The following ZBBX variants were observed in gnomAD, a reference collection of about 807,000 sequenced individuals.
The protein encoded by ZBBX is zinc finger B-box domain containing.
A neutral mutation model predicts 108.5 loss-of-function variants in ZBBX; 101 were observed. That is an observed-to-expected ratio of 0.93 (90% CI 0.79 to 1.10). ZBBX has a LOEUF of 1.10. Among genes scored for constraint, ZBBX ranks in the 50% least tolerant of loss-of-function variants. The pLI, the probability that ZBBX is intolerant of heterozygous loss-of-function variation, is 0.00. For synonymous variants in ZBBX, 356 were observed against 323.4 expected, an observed-to-expected ratio of 1.10 and a Z score of -1.08; for missense variants, 1,009 against 941.4, an observed-to-expected ratio of 1.07 and a Z score of -0.94.
At chr3:167,313,331 A>T (rs1246684023) in intron 16 of ZBBX, among the ~76,000 whole-genome samples, 1 of 152,166 alleles carries the variant, frequency 6.6e-6, no homozygotes, top group Non-Finnish European at 1.5e-5. Flanking sequence ...GCTGGAGTGC[A>T]ACGGTGTGAT....
At chr3:167,295,964 C>A (rs1306751481) in intron 18 of ZBBX, among the ~76,000 whole-genome samples, 1 of 151,116 alleles carries the variant, frequency 6.6e-6, no homozygotes, top group Non-Finnish European at 1.5e-5. Context: ...AAGAAAACAT[C>A]AGAACAATAT....
chr3:167,179,236 C>A, the ZBBX span, among the ~76,000 whole-genome samples: 1 of 152,212 alleles, frequency 6.6e-6, no homozygotes, highest in Non-Finnish European at 1.5e-5. Flanking sequence ...AATTAGGTTC[C>A]AATCCTTGAG....
chr3:167,277,227 C>A (rs1456298727), intron 20 of ZBBX, among the ~76,000 whole-genome samples: 1 of 151,636 alleles, frequency 6.6e-6, no homozygotes, highest in Non-Finnish European at 1.5e-5. Flanking sequence ...ATGACAGGAA[C>A]AAATTCACAC....
At chr3:167,298,524 A>C in intron 17 of ZBBX, 66 bp from the exon 18 acceptor site, 5 of 1,215,130 alleles carry the variant, frequency 4.1e-6, no homozygotes, top group Non-Finnish European at 5.5e-6. Flanking sequence ...ATATTCATTT[A>C]TCAGATACCT....
intron 20 of ZBBX, among the ~76,000 whole-genome samples, chr3:167,250,027 A>G (rs1722300206): frequency 6.6e-6 from 1 of 152,190 alleles, no homozygotes; most frequent in Non-Finnish European, 1.5e-5. Flanking sequence ...GCCTTCCTGG[A>G]AAGGCTAAGA....
intron 18 of ZBBX, among the ~76,000 whole-genome samples, chr3:167,290,691 T>C (rs1209742521): frequency 2.6e-5 from 4 of 152,024 alleles, no homozygotes; most frequent in East Asian, 1.9e-4. Context: ...GGAACAAAAC[T>C]GGACGGAGAA....
intron 6 of ZBBX, among the ~76,000 whole-genome samples, chr3:167,364,071 T>C (rs536202781): frequency 3.9e-5 from 6 of 151,988 alleles, no homozygotes; most frequent in Non-Finnish European, 7.4e-5. Flanking sequence ...ACAGAGTTTC[T>C]AGACCTCAGC....
the ZBBX span, among the ~76,000 whole-genome samples, chr3:167,209,578 C>T: frequency 1.9e-4 from 29 of 152,306 alleles, no homozygotes; most frequent in South Asian, 5.6e-3. Flanking sequence ...ACCCAAGTCC[C>T]TTTGAATACC....
intron 10 of ZBBX, among the ~76,000 whole-genome samples, chr3:167,330,945 T>TTCTCTCTCTCTCTCTTTCTCTCTCTC (rs1553820806): frequency 0.015 from 1,346 of 87,124 alleles, 50 homozygotes; most frequent in Middle Eastern, 0.023. Context: ...CTCTCTTTCT[T>TTCTCTCTCTCTCTCTTTCTCTCTCTC]TCTCTCTCTC....
At chr3:167,343,064 G>A (rs1293510218) in intron 9 of ZBBX, among the ~76,000 whole-genome samples, 2 of 151,808 alleles carry the variant, frequency 1.3e-5, no homozygotes, top group Non-Finnish European at 2.9e-5. Flanking sequence ...GGCTTTAAAT[G>A]TAGATAATAT....
At chr3:167,260,413 C>A (rs1724271248) in intron 20 of ZBBX, among the ~76,000 whole-genome samples, 1 of 152,132 alleles carries the variant, frequency 6.6e-6, no homozygotes. Flanking sequence ...CTCGATTATT[C>A]CCCAAACACA....
intron 20 of ZBBX, among the ~76,000 whole-genome samples, chr3:167,254,026 A>T (rs1451293121): frequency 6.6e-6 from 1 of 152,188 alleles, no homozygotes; most frequent in Non-Finnish European, 1.5e-5. Context: ...CCTATACCAG[A>T]AAAAAACAAG....
intron 8 of ZBBX, among the ~76,000 whole-genome samples, chr3:167,352,401 T>G (rs1309462240): frequency 6.6e-6 from 1 of 152,032 alleles, no homozygotes; most frequent in Non-Finnish European, 1.5e-5. Flanking sequence ...AATAAATTCC[T>G]GGAAACGCAC....
At chr3:167,323,969 C>G (rs192982426) in intron 11 of ZBBX, among the ~76,000 whole-genome samples, 1 of 152,092 alleles carries the variant, frequency 6.6e-6, no homozygotes, top group Non-Finnish European at 1.5e-5. Context: ...AAATCAATAA[C>G]AGAAATAACT....
At chr3:167,297,101 T>A (rs1024401149) in intron 18 of ZBBX, among the ~76,000 whole-genome samples, 3 of 152,008 alleles carry the variant, frequency 2.0e-5, no homozygotes, top group African/African-American at 7.2e-5. Context: ...TTATAATGAT[T>A]TTTTAAAAAG....
the ZBBX span, among the ~76,000 whole-genome samples, chr3:167,207,406 T>A: frequency 6.6e-6 from 1 of 152,200 alleles, no homozygotes; most frequent in South Asian, 2.1e-4. Flanking sequence ...CTTGAAATAT[T>A]CTTCAGCTTA....
chr3:167,322,326 TG>T, intron 11 of ZBBX, 89 bp from the exon 12 acceptor site: 2 of 1,142,436 alleles, frequency 1.8e-6, no homozygotes, highest in Non-Finnish European at 2.3e-6. Context: ...TCATCATTTT[TG>T]GGGCATATAT....
At chr3:167,276,835 A>G (rs1727680560) in intron 20 of ZBBX, among the ~76,000 whole-genome samples, 1 of 152,296 alleles carries the variant, frequency 6.6e-6, no homozygotes, top group East Asian at 1.9e-4. Flanking sequence ...TGTTAAGGGC[A>G]GCCAGAGAGA....
intron 20 of ZBBX, among the ~76,000 whole-genome samples, chr3:167,275,404 G>A (rs949372673): frequency 1.2e-4 from 18 of 152,074 alleles, no homozygotes; most frequent in South Asian, 4.1e-4. Flanking sequence ...GACAGTGGGC[G>A]CAGGTCAGTG....
Sources: allele counts gnomAD v4.1 joint callset (sites outside exome capture counted in the v4.1 genomes callset), GRCh38; gene constraint gnomAD v4.1.1; transcripts MANE v1.5; gene names NCBI Gene and HGNC (gene_info 2026-07-23, HGNC 2026-07-21).